TMEM179: variants seen among roughly 807,000 people sequenced by gnomAD.
TMEM179 encodes the protein transmembrane protein 179, also known as transmembrane protein 179A.
A neutral mutation model predicts 22.2 loss-of-function variants in TMEM179; 17 were observed. The ratio of observed to expected loss-of-function variants is 0.77; its 90% CI spans 0.52 to 1.15. The LOEUF is 1.15. Ranked by LOEUF, TMEM179 falls within the 50% of genes most tolerant of loss-of-function variation. The pLI is 0.00. For missense variants in TMEM179, 265 were observed against 313.6 expected (o/e 0.84, Z 1.17); for synonymous variants, 127 against 140.5 (o/e 0.90, Z 0.68).
chr14:104,595,067 G>A lies in TMEM179; in HGVS notation c.522+98C>T. On this transcript the variant is annotated intron_variant, in intron 3 of 3. Coordinates refer to ENST00000556573, the MANE Select transcript of TMEM179 (RefSeq NM_001286389.2). This position sits in a 1 kb window ranked among gnomAD's most constrained non-coding sequence, Gnocchi z 5.7. ...AACTACCTTATCCACACAGGAGCCT[G>A]CCTCCTCCTCTGGATGGGGGAGAGC... 1 of 1,588,060 alleles carries A rather than the reference G, an allele frequency of 6.3e-7. No individual in the cohort carries two copies. Among genetic ancestry groups the A allele is most frequent in the Non-Finnish European group, 8.6e-7 (1 of 1,165,160 alleles).
In TMEM179 at chr14:104,591,146, G is replaced by T; in HGVS notation, c.*2333C>A. 2.9e-6 allele frequency: 1 copy of T among 340,514 alleles called. No individual in the cohort carries two copies. Among genetic ancestry groups the T allele is most frequent in the Non-Finnish European group, 5.8e-6 (1 of 173,298 alleles). The allele number at this position is 340,514 out of a possible 1,614,324, so 21.1% of individuals were successfully genotyped here. A position where few individuals can be genotyped will look rare whatever the true frequency, so the allele number is the denominator to read the frequency against. Reference sequence around the variant, plus strand: ...GCGATGTGTCTGGGCTCCGGAGACAGCCCAGTCCAGGGTGGGTCTATGTCT... The same window carrying T: ...GCGATGTGTCTGGGCTCCGGAGACATCCCAGTCCAGGGTGGGTCTATGTCT... On this transcript the variant is annotated 3_prime_UTR_variant, in exon 4 of 4. Coordinates refer to ENST00000556573, the MANE Select transcript of TMEM179 (RefSeq NM_001286389.2).
chr14:104,603,281 G>A lies in TMEM179; in HGVS notation c.305+1156C>T, dbSNP rs557334174. Among the ~76,000 whole-genome samples, 13 of 152,282 alleles carry A rather than the reference G, an allele frequency of 8.5e-5. No homozygotes were observed. In the South Asian group the frequency reaches 1.2e-3, roughly 15 times the overall value. On this transcript the variant is annotated intron_variant, in intron 1 of 3. Transcript: ENST00000556573. ...CGGTGGGCTCACAGCGGGGGCAACA[G>A]GAGGGCTTCCCCACTCCTGCCGCCC... is the stretch of plus-strand genomic sequence containing the variant.
Position 104,593,222 on chromosome 14 carries a change from G to C in TMEM179, c.*257C>G, listed in dbSNP as rs753499152. On this transcript the variant is annotated 3_prime_UTR_variant, in exon 4 of 4. Coordinates refer to ENST00000556573, the MANE Select transcript of TMEM179 (RefSeq NM_001286389.2). ...AAGGGGCCCTGTGCGAGGCCTGGAG[G>C]TGCCCCCCGCCCCCGCCCCACACCC... 2 of 550,650 alleles carry C rather than the reference G, an allele frequency of 3.6e-6. No individual in the cohort carries two copies. The highest frequency in any genetic ancestry group is 1.9e-5 in the African/African-American group (1 of 52,414). 34.1% of individuals were successfully genotyped at this position (550,650 alleles called of 1,614,324 possible). A position where few individuals can be genotyped will look rare whatever the true frequency, so the allele number is the denominator to read the frequency against.
chr14:104,592,359 C>A lies in TMEM179; in HGVS notation c.*1120G>T. On this transcript the variant is annotated 3_prime_UTR_variant, in exon 4 of 4. Coordinates refer to ENST00000556573, the MANE Select transcript of TMEM179 (RefSeq NM_001286389.2). ...CTCCCAGGCACACTCACAATCAAGC[C>A]TTCACACGCACAACAGTCACACCCT... 1 of 154,012 alleles carries A rather than the reference C, an allele frequency of 6.5e-6. No individual in the cohort carries two copies. Among genetic ancestry groups the A allele is most frequent in the Non-Finnish European group, 1.5e-5 (1 of 68,922 alleles). The allele number at this position is 154,012 out of a possible 1,614,324, so 9.5% of individuals were successfully genotyped here.
rs1323741686 is a variant in TMEM179, at chr14:104,593,287, C to A, written c.*192G>T. 3.0e-6 allele frequency: 2 copies of A among 672,252 alleles called. No homozygotes were observed. Among genetic ancestry groups the A allele is most frequent in the East Asian group, 2.7e-5 (1 of 36,406 alleles). The allele number at this position is 672,252 out of a possible 1,614,324, so 41.6% of individuals were successfully genotyped here. A position where few individuals can be genotyped will look rare whatever the true frequency, so the allele number is the denominator to read the frequency against. On this transcript the variant is annotated 3_prime_UTR_variant, in exon 4 of 4. Transcript: ENST00000556573. ...CCATCCTCATCAGGGAGCCGGCACC[C>A]ACCCAGTCCACTGCCAGGCTCACAG...
In TMEM179 at chr14:104,597,025, G is replaced by C; in HGVS notation, c.408C>G (p.Cys136Trp). The C allele has an allele frequency of 6.2e-7, 1 of 1,609,568 alleles. No homozygotes were observed. The highest frequency in any genetic ancestry group is 8.5e-7 in the Non-Finnish European group (1 of 1,179,156). ...TIVSVGFTMW[C>W]DTITEKGTVP... is the part of the protein sequence containing the mutation. ...CGGTGCCCTTCTCGGTGATGGTGTC[G>C]CACCACATGGTGAAGCCCACGCTCA... The change falls in exon 2 of 4, where the codon TGC becomes TGG. Residue 136 changes from cysteine to tryptophan, a missense_variant. Physicochemically the swap from Cys to Trp is radical, Grantham distance 215. Coordinates refer to ENST00000556573, the MANE Select transcript of TMEM179 (RefSeq NM_001286389.2). The surrounding 1 kb of genome is among the most constrained non-coding windows in gnomAD (Gnocchi z 4.8).
chr14:104,596,246 ACT>A (rs1316775497), intron 2 of TMEM179, among the ~76,000 whole-genome samples: 1 of 152,082 alleles, frequency 6.6e-6, no homozygotes, highest in East Asian at 1.9e-4. Flanking sequence ...GAATGTGGAA[ACT>A]CTGGAGGGTT....
Position 104,592,885 on chromosome 14 carries a change from G to C in TMEM179, c.*594C>G, listed in dbSNP as rs1886891764. The C allele has an allele frequency of 6.4e-6, 1 of 155,646 alleles. No homozygotes were observed. The highest frequency in any genetic ancestry group is 1.4e-5 in the Non-Finnish European group (1 of 70,160). 9.6% of individuals were successfully genotyped at this position (155,646 alleles called of 1,614,324 possible). On this transcript the variant is annotated 3_prime_UTR_variant, in exon 4 of 4. Transcript: ENST00000556573. The stretch of plus-strand genomic sequence containing the variant: ...ACAGACAGGACCCACACACAGTGAG[G>C]TGAACTCACAGGCCTCAGAAGCCTC...
chr14:104,603,978 C>T (rs779437857), intron 1 of TMEM179, among the ~76,000 whole-genome samples: 30 of 152,202 alleles, frequency 2.0e-4, no homozygotes, highest in African/African-American at 4.3e-4. Context: ...AGCCATCTGC[C>T]GTCCCTTTCC....
At chr14:104,593,724 A>G in intron 3 of TMEM179, 66 bp from the exon 4 acceptor site, 2 of 1,417,638 alleles carry the variant, frequency 1.4e-6, no homozygotes, top group Non-Finnish European at 1.8e-6. Context: ...ACCCCCTCCC[A>G]CCAGCCCCCA....
At chr14:104,603,626 G>A (rs1473177328) in intron 1 of TMEM179, among the ~76,000 whole-genome samples, 1 of 147,768 alleles carries the variant, frequency 6.8e-6, no homozygotes, top group African/African-American at 2.6e-5. Context: ...TGGTAGATGG[G>A]CTCACAGAGG....
Position 104,595,946 on chromosome 14 carries a change from G to C in TMEM179, c.444-703C>G, listed in dbSNP as rs1887008355. On this transcript the variant is annotated intron_variant, in intron 2 of 3. Transcript: ENST00000556573. The surrounding 1 kb of genome is among the most constrained non-coding windows in gnomAD (Gnocchi z 5.7). The stretch of plus-strand genomic sequence containing the variant: ...GAGGGGCTGAAGGGCTGGAAACAGT[G>C]TCTGTGAGGCCAAGGAAACTTTGCG... 6.6e-6 allele frequency among the ~76,000 whole-genome samples: 1 copy of C among 152,274 alleles called. No individual in the cohort carries two copies. The highest frequency in any genetic ancestry group is 2.1e-4 in the South Asian group (1 of 4,838).
At chr14:104,598,554 C>T (rs1887121363) in intron 1 of TMEM179, among the ~76,000 whole-genome samples, 1 of 152,256 alleles carries the variant, frequency 6.6e-6, no homozygotes, top group Admixed American at 6.5e-5. Context: ...CAGGCACTTT[C>T]TGAGCACCTG....
intron 3 of TMEM179, 131 bp from the exon 4 acceptor site, chr14:104,593,789 A>T: frequency 9.2e-7 from 1 of 1,086,116 alleles, no homozygotes. Context: ...GGCCGGGGAC[A>T]TGGGGCAGGG....
chr14:104,600,684 C>G (rs149736341), intron 1 of TMEM179, among the ~76,000 whole-genome samples: 6 of 152,330 alleles, frequency 3.9e-5, no homozygotes, highest in Non-Finnish European at 8.8e-5. Flanking sequence ...AGATGACACT[C>G]CTCTGCAAAA....
rs188291656 is a variant in TMEM179 at position 104,595,825 on chromosome 14, T to C, written c.444-582A>G. Among the ~76,000 whole-genome samples, 159 of 152,298 alleles carry C rather than the reference T, an allele frequency of 1.0e-3. No homozygotes were observed. The highest frequency in any genetic ancestry group is 2.5e-3 in the Admixed American group (38 of 15,302). The stretch of plus-strand genomic sequence containing the variant: ...GAGTGAGCCAGGCCTGGGCTCCCGG[T>C]AGGTGTCCTGCACCCCCAACATAAA... On this transcript the variant is annotated intron_variant, in intron 2 of 3. Coordinates refer to ENST00000556573, the MANE Select transcript of TMEM179 (RefSeq NM_001286389.2). This position sits in a 1 kb window ranked among gnomAD's most constrained non-coding sequence, Gnocchi z 5.7.
rs746247511 is a variant in TMEM179 at position 104,593,615 on chromosome 14, G to A, written c.566C>T (p.Thr189Met). ...ASWLAWLAIT[T>M]LAFLKVYHNY... ...GTGGTAGACCTTCAGGAAGGCCAGC[G>A]TGGTGATGGCCAGCCAGGCCAGCCA... Residue 189 changes from threonine to methionine, a missense_variant, in exon 4 of 4, where the codon ACG becomes ATG. Coordinates refer to ENST00000556573, the MANE Select transcript of TMEM179 (RefSeq NM_001286389.2). The A allele has an allele frequency of 1.1e-5, 16 of 1,499,040 alleles. No homozygotes were observed. Among genetic ancestry groups the A allele is most frequent in the Admixed American group, 2.0e-5 (1 of 48,790 alleles). 92.9% of individuals were successfully genotyped at this position (1,499,040 alleles called of 1,614,324 possible).
In TMEM179 at chr14:104,593,165, A is replaced by G; in HGVS notation, c.*314T>C. On this transcript the variant is annotated 3_prime_UTR_variant, in exon 4 of 4. Coordinates refer to ENST00000556573, the MANE Select transcript of TMEM179 (RefSeq NM_001286389.2). ...GAGACAAGCTGGACGCCCTCCACATAGGCTGGCCAGTCAGGTCCTACTGGG... is the reference window on the plus strand; with the variant it reads ...GAGACAAGCTGGACGCCCTCCACATGGGCTGGCCAGTCAGGTCCTACTGGG... 1 of 436,092 alleles carries G rather than the reference A, an allele frequency of 2.3e-6. No individual in the cohort carries two copies. The highest frequency in any genetic ancestry group is 4.1e-6 in the Non-Finnish European group (1 of 243,076). 27.0% of individuals were successfully genotyped at this position (436,092 alleles called of 1,614,324 possible).
At chr14:104,598,063 T>C (rs1270583756) in intron 1 of TMEM179, among the ~76,000 whole-genome samples, 1 of 152,186 alleles carries the variant, frequency 6.6e-6, no homozygotes, top group Non-Finnish European at 1.5e-5. Context: ...CTTCTGAGGA[T>C]ACCGGGCAGG....
Sources: allele counts gnomAD v4.1 joint callset (sites outside exome capture counted in the v4.1 genomes callset), GRCh38; gene constraint gnomAD v4.1.1; non-coding constraint Gnocchi (gnomAD v3.1); transcripts MANE v1.5; gene names NCBI Gene and HGNC (gene_info 2026-07-23, HGNC 2026-07-21).